The following CIMAP1D variants were observed in gnomAD, a reference collection of about 807,000 sequenced individuals.
The protein encoded by CIMAP1D is protein CIMAP1D.
the CIMAP1D span, among the ~76,000 whole-genome samples, chr19:475,282 C>T: frequency 6.6e-6 from 1 of 152,174 alleles, no homozygotes; most frequent in Admixed American, 6.5e-5. Flanking sequence ...TCATTCCTGC[C>T]AAAGCATGTA....
chr19:472,374 C>G, the CIMAP1D span: 1 of 1,391,540 alleles, frequency 7.2e-7, no homozygotes, highest in South Asian at 1.4e-5. Context: ...AGCCTCCAGC[C>G]GCCCACTCGC....
At chr19:481,122 T>G in the CIMAP1D span, among the ~76,000 whole-genome samples, 1 of 57,486 alleles carries the variant, frequency 1.7e-5, no homozygotes, top group African/African-American at 1.0e-4. Context: ...AGAAGGAATG[T>G]GGGAAGGATG....
chr19:467,425 G>A, the CIMAP1D span, among the ~76,000 whole-genome samples: 706 of 152,164 alleles, frequency 4.6e-3, 5 homozygotes, highest in African/African-American at 0.015. Context: ...GGCCATGTGT[G>A]CCCAGGGCCT....
the CIMAP1D span, chr19:464,487 T>C: frequency 5.8e-6 from 4 of 684,896 alleles, no homozygotes; most frequent in Non-Finnish European, 7.8e-6. Flanking sequence ...CTGGGTGCCT[T>C]TCTCTCCCTT....
the CIMAP1D span, among the ~76,000 whole-genome samples, chr19:486,338 C>T: frequency 6.6e-6 from 1 of 152,178 alleles, no homozygotes; most frequent in African/African-American, 2.4e-5. Flanking sequence ...GTACATTCTG[C>T]CTGATACACC....
chr19:475,261 C>T, the CIMAP1D span, among the ~76,000 whole-genome samples: 7 of 152,210 alleles, frequency 4.6e-5, no homozygotes, highest in African/African-American at 1.4e-4. Context: ...TTCACTGCCT[C>T]ATCCTGTCAC....
At chr19:465,608 GGTCGGTGT>G in the CIMAP1D span, among the ~76,000 whole-genome samples, 1 of 144,672 alleles carries the variant, frequency 6.9e-6, no homozygotes, top group Non-Finnish European at 1.5e-5. Flanking sequence ...GATGGGTGCA[GGTCGGTGT>G]GTGGATGGGT....
the CIMAP1D span, among the ~76,000 whole-genome samples, chr19:478,037 C>T: frequency 6.6e-6 from 1 of 152,260 alleles, no homozygotes; most frequent in African/African-American, 2.4e-5. Context: ...TCACGAGGGC[C>T]CCCAGCCCAC....
At chr19:484,243 C>T in the CIMAP1D span, among the ~76,000 whole-genome samples, 1 of 150,140 alleles carries the variant, frequency 6.7e-6, no homozygotes, top group Admixed American at 6.7e-5. Flanking sequence ...CGGGCTCAAG[C>T]GATTCTGCTG....
the CIMAP1D span, among the ~76,000 whole-genome samples, chr19:466,115 A>G: frequency 8.7e-6 from 1 of 114,388 alleles, no homozygotes; most frequent in African/African-American, 3.4e-5. Flanking sequence ...ATGGGTGAAT[A>G]GATGGGTGGG....
At chr19:490,458 T>C in the CIMAP1D span, 1 of 147,610 alleles carries the variant, frequency 6.8e-6, no homozygotes, top group Non-Finnish European at 1.5e-5. Context: ...GCAATACATG[T>C]TGAGATGCTG....
the CIMAP1D span, among the ~76,000 whole-genome samples, chr19:481,541 G>C: frequency 8.3e-6 from 1 of 120,998 alleles, no homozygotes; most frequent in African/African-American, 3.1e-5. Context: ...GATGATGGAG[G>C]ATGATGGAGA....
At chr19:474,688 T>G in the CIMAP1D span, 13,309 of 1,573,388 alleles carry the variant, frequency 8.5e-3, 84 homozygotes, top group African/African-American at 0.029. Context: ...CCTCCGTCAC[T>G]CGCCGGCCAA....
At chr19:472,760 G>T in the CIMAP1D span, 2 of 506,106 alleles carry the variant, frequency 4.0e-6, no homozygotes, top group East Asian at 6.9e-5. Context: ...TGGGGCCTGA[G>T]CCTCCCAGAG....
At chr19:488,520 TCA>T in the CIMAP1D span, among the ~76,000 whole-genome samples, 1 of 152,178 alleles carries the variant, frequency 6.6e-6, no homozygotes, top group Non-Finnish European at 1.5e-5. Flanking sequence ...AGACTCCGTC[TCA>T]AAAAAATAAC....
At chr19:484,695 T>C in the CIMAP1D span, among the ~76,000 whole-genome samples, 1 of 151,790 alleles carries the variant, frequency 6.6e-6, no homozygotes, top group Non-Finnish European at 1.5e-5. Flanking sequence ...GGACCGCACC[T>C]GGCGAGGCGG....
chr19:482,981 T>C, the CIMAP1D span, among the ~76,000 whole-genome samples: 1 of 152,212 alleles, frequency 6.6e-6, no homozygotes. Context: ...TGGTCCCTGA[T>C]GAATCACTGC....
the CIMAP1D span, among the ~76,000 whole-genome samples, chr19:491,585 G>A: frequency 6.6e-6 from 1 of 151,930 alleles, no homozygotes; most frequent in African/African-American, 2.4e-5. Context: ...CAGAGCAGCT[G>A]ACCAGGGCCC....
the CIMAP1D span, chr19:463,785 G>T: frequency 6.6e-7 from 1 of 1,526,028 alleles, no homozygotes; most frequent in Admixed American, 2.1e-5. Context: ...TCCAGCCAAA[G>T]CCAGGCCCCA....
Sources: allele counts gnomAD v4.1 joint callset (sites outside exome capture counted in the v4.1 genomes callset), GRCh38; gene constraint gnomAD v4.1.1; transcripts MANE v1.5; gene names NCBI Gene and HGNC (gene_info 2026-07-23, HGNC 2026-07-21).